Variants in ZNF865 observed in about 807,000 individuals in gnomAD.
The protein encoded by ZNF865 is zinc finger protein 865.
For synonymous variants in ZNF865, 763 were observed against 750.8 expected (o/e 1.02, Z -0.27); for missense variants, 1,311 against 1,593.4 (o/e 0.82, Z 3.02).
Position 55,615,980 on chromosome 19 carries a change from G to A in ZNF865, c.2362G>A (p.Gly788Ser), listed in dbSNP as rs929529222. 1.2e-5 allele frequency: 18 copies of A among 1,516,922 alleles called. No homozygotes were observed. Among genetic ancestry groups the A allele is most frequent in the East Asian group, 2.5e-5 (1 of 39,822 alleles). 94.0% of individuals were successfully genotyped at this position (1,516,922 alleles called of 1,614,324 possible). The change falls in exon 2 of 2, where the codon GGC (glycine) becomes AGC (serine). Residue 788 changes from glycine to serine, a missense_variant. By Grantham distance (56) the Gly-to-Ser change is moderately conservative. Transcript: ENST00000568956. ...AGGTGCTGGCGGGGGTGCCAGTTCC[G>A]GCCCCGAGCGCTTCAGCTGTGCCAC... ...VAGAGGGASS[G>S]PERFSCATCG... is the part of the protein sequence containing the mutation.
At position 55,614,905 on chromosome 19, in the gene ZNF865, C is replaced by A; in HGVS notation, c.1287C>A (p.His429Gln). Residue 429 changes from histidine (H) to glutamine (Q), a missense_variant, in exon 2 of 2, where the codon CAC (histidine) becomes CAA (glutamine). Physicochemically the swap from His to Gln is conservative, Grantham distance 24. Transcript: ENST00000568956. This position sits in a 1 kb window ranked among gnomAD's most constrained non-coding sequence, Gnocchi z 8.0. The part of the protein sequence containing the change: ...ASYLLKHQAA[H>Q]AGAGAGGPRP... Reference sequence around the variant, plus strand: ...ACCTCCTCAAGCACCAGGCGGCCCACGCGGGGGCGGGCGCCGGGGGGCCTC... The same window carrying A: ...ACCTCCTCAAGCACCAGGCGGCCCAAGCGGGGGCGGGCGCCGGGGGGCCTC... 1 of 1,488,490 alleles carries A rather than the reference C, an allele frequency of 6.7e-7. No homozygotes were observed. The highest frequency in any genetic ancestry group is 8.9e-7 in the Non-Finnish European group (1 of 1,124,474). 92.2% of individuals were successfully genotyped at this position (1,488,490 alleles called of 1,614,324 possible).
intron 1 of ZNF865, 139 bp from the exon 2 acceptor site, chr19:55,613,454 G>GCTTC: frequency 1.3e-6 from 1 of 771,750 alleles, no homozygotes; most frequent in African/African-American, 1.8e-5. Context: ...GGGTGGACAG[G>GCTTC]CAGAGGGACT....
In ZNF865 at chr19:55,616,751, G is replaced by A; in HGVS notation, c.3133G>A (p.Gly1045Arg). The A allele has an allele frequency of 6.8e-7, 1 of 1,476,172 alleles. No homozygotes were observed. Among genetic ancestry groups the A allele is most frequent in the Non-Finnish European group, 8.9e-7 (1 of 1,117,708 alleles). 91.4% of individuals were successfully genotyped at this position (1,476,172 alleles called of 1,614,324 possible). ...CCTGGCGCACAAGGCCGAGAACCTC[G>A]GGGGGCCTGGAGCAGGGGCGGGCAC... is the stretch of plus-strand genomic sequence containing the variant. ...HRLAHKAENL[G>R]GPGAGAGTLA... Residue 1045 changes from glycine to arginine, a missense_variant, in exon 2 of 2, where the codon GGG becomes AGG. By Grantham distance (125) the Gly-to-Arg change is moderately radical. Transcript: ENST00000568956.
intron 1 of ZNF865, among the ~76,000 whole-genome samples, chr19:55,610,306 G>A (rs575962228): frequency 1.3e-5 from 2 of 152,286 alleles, no homozygotes; most frequent in Non-Finnish European, 2.9e-5. Flanking sequence ...TGTTGCCCAG[G>A]CTGGAGTGCA....
chr19:55,616,967 C>T lies in ZNF865; in HGVS notation c.*169C>T, dbSNP rs981252546. On this transcript the variant is annotated 3_prime_UTR_variant, in exon 2 of 2. Transcript: ENST00000568956. ...GACAGGCTCAAGACTGAATCACTCC[C>T]ATCCTCGACCTCTCTGCCCTCCCCT... 11 of 607,352 alleles carry T rather than the reference C, an allele frequency of 1.8e-5. No individual in the cohort carries two copies. Among genetic ancestry groups the T allele is most frequent in the South Asian group, 3.1e-5 (1 of 32,278 alleles). 37.6% of individuals were successfully genotyped at this position (607,352 alleles called of 1,614,324 possible).
At position 55,613,513 on chromosome 19, in the gene ZNF865, G is replaced by A. The variant is rs1392988162; in HGVS notation, c.-26-80G>A. 11 of 1,269,184 alleles carry A rather than the reference G, an allele frequency of 8.7e-6. No individual in the cohort carries two copies. The East Asian group carries it at 1.8e-4, about 21-fold the overall frequency. 78.6% of individuals were successfully genotyped at this position (1,269,184 alleles called of 1,614,324 possible). ...GGGGGTGATCCGCACAAGGATGGATGAGTGGGCGCACAGCTCCATTCACCT... is the reference window on the plus strand; with the variant it reads ...GGGGGTGATCCGCACAAGGATGGATAAGTGGGCGCACAGCTCCATTCACCT... On this transcript the variant is annotated intron_variant, in intron 1 of 1. Transcript: ENST00000568956.
intron 1 of ZNF865, among the ~76,000 whole-genome samples, chr19:55,610,353 C>T (rs1384577114): frequency 1.3e-5 from 2 of 152,162 alleles, no homozygotes; most frequent in South Asian, 2.1e-4. Flanking sequence ...CTCCACCTCC[C>T]GAGTTCAAGC....
chr19:55,607,675 G>C (rs1487614167), intron 1 of ZNF865, among the ~76,000 whole-genome samples: 2 of 152,190 alleles, frequency 1.3e-5, no homozygotes, highest in African/African-American at 4.8e-5. Context: ...CCTATGTCTT[G>C]TCATCTTGTC....
Position 55,611,920 on chromosome 19 carries a change from T to C in ZNF865, c.-26-1673T>C, listed in dbSNP as rs1981150557. 6.6e-6 allele frequency among the ~76,000 whole-genome samples: 1 copy of C among 152,076 alleles called. No individual in the cohort carries two copies. Among genetic ancestry groups the C allele is most frequent in the South Asian group, 2.1e-4 (1 of 4,834 alleles). The stretch of plus-strand genomic sequence containing the variant: ...GTGTGGTGTGGGGTACACACATGGA[T>C]ACCTGCCATCTGGAATGAAAAGTCG... On this transcript the variant is annotated intron_variant, in intron 1 of 1. Coordinates refer to ENST00000568956, the MANE Select transcript of ZNF865 (RefSeq NM_001195605.2). This position sits in a 1 kb window ranked among gnomAD's most constrained non-coding sequence, Gnocchi z 4.5.
chr19:55,609,207 C>G lies in ZNF865; in HGVS notation c.-27+3475C>G, dbSNP rs983915983. Among the ~76,000 whole-genome samples the G allele has an allele frequency of 2.0e-5, 3 of 152,036 alleles. No individual in the cohort carries two copies. In the South Asian group the frequency reaches 6.2e-4, roughly 32 times the overall value. On this transcript the variant is annotated intron_variant, in intron 1 of 1. Coordinates refer to ENST00000568956, the MANE Select transcript of ZNF865 (RefSeq NM_001195605.2). The stretch of plus-strand genomic sequence containing the variant: ...CTAATTTTTTTATTTTTAGTAGAGA[C>G]GGGGTTTCACTATATATTGGCCAGG...
In ZNF865 at chr19:55,615,949, G is replaced by T; in HGVS notation, c.2331G>T (p.Ala777=). ...GGGGTGAGGACGCAGGCGGGGCGGC[G>T]GTGGCAGGTGCTGGCGGGGGTGCCA... ...VSGGEDAGGA[A]VAGAGGGASS... is the part of the protein sequence containing the mutation. Residue 777 remains alanine, a synonymous_variant, in exon 2 of 2, where the codon GCG becomes GCT. Coordinates refer to ENST00000568956, the MANE Select transcript of ZNF865 (RefSeq NM_001195605.2). 2.6e-6 allele frequency: 4 copies of T among 1,510,650 alleles called. No individual in the cohort carries two copies. Among genetic ancestry groups the T allele is most frequent in the Non-Finnish European group, 3.5e-6 (4 of 1,135,196 alleles). The allele number at this position is 1,510,650 out of a possible 1,614,324, so 93.6% of individuals were successfully genotyped here. A position where few individuals can be genotyped will look rare whatever the true frequency, so the allele number is the denominator to read the frequency against.
rs1350685986 is a variant in ZNF865 at position 55,616,325 on chromosome 19, G to A, written c.2707G>A (p.Ala903Thr). The change falls in exon 2 of 2, where the codon GCC becomes ACC. Residue 903 changes from alanine (A) to threonine (T), a missense_variant. Coordinates refer to ENST00000568956, the MANE Select transcript of ZNF865 (RefSeq NM_001195605.2). ...QHRVVHTGER[A>T]FKCGVCAKRF... Reference sequence around the variant, plus strand: ...CCGCGTGGTGCACACTGGCGAGCGGGCCTTCAAGTGCGGCGTGTGCGCCAA... The same window carrying A: ...CCGCGTGGTGCACACTGGCGAGCGGACCTTCAAGTGCGGCGTGTGCGCCAA... 2.0e-6 allele frequency: 3 copies of A among 1,521,944 alleles called. No individual in the cohort carries two copies. The highest frequency in any genetic ancestry group is 1.4e-5 in the African/African-American group (1 of 72,272). 94.3% of individuals were successfully genotyped at this position (1,521,944 alleles called of 1,614,324 possible). A position where few individuals can be genotyped will look rare whatever the true frequency, so the allele number is the denominator to read the frequency against.
intron 1 of ZNF865, among the ~76,000 whole-genome samples, 184 bp downstream of exon 1, chr19:55,605,916 A>G (rs1048460060): frequency 2.0e-5 from 3 of 151,302 alleles, no homozygotes; most frequent in East Asian, 2.0e-4. Flanking sequence ...TAGCTCCCCC[A>G]TGAACGCCCC....
At position 55,613,756 on chromosome 19, in the gene ZNF865, A is replaced by G. The variant is rs1478545090; in HGVS notation, c.138A>G (p.Glu46=). Residue 46 remains glutamate (E), a synonymous_variant, in exon 2 of 2, where the codon GAA becomes GAG. Coordinates refer to ENST00000568956, the MANE Select transcript of ZNF865 (RefSeq NM_001195605.2). ...FLNHQRFEPM[E]LYGEHAKAVA... ...ACCACCAGCGCTTCGAGCCCATGGA[A>G]CTGTATGGGGAACACGCCAAGGCGG... The G allele has an allele frequency of 6.5e-7, 1 of 1,534,386 alleles. No homozygotes were observed. The highest frequency in any genetic ancestry group is 1.4e-5 in the African/African-American group (1 of 72,932).
In ZNF865 at chr19:55,614,040, C is replaced by T. The variant is rs1345474174; in HGVS notation, c.422C>T (p.Ala141Val). ...GAPPPPLFDA[A>V]FPTPQWGIVD... ...CCCCCTCCTCCCCTCTTTGACGCTGCTTTCCCCACTCCGCAGTGGGGCATC... is the reference window on the plus strand; with the variant it reads ...CCCCCTCCTCCCCTCTTTGACGCTGTTTTCCCCACTCCGCAGTGGGGCATC... Residue 141 changes from alanine (A) to valine (V), a missense_variant, in exon 2 of 2, where the codon GCT becomes GTT. Physicochemically the swap from Ala to Val is moderately conservative, Grantham distance 64 (BLOSUM62 0). Transcript: ENST00000568956. This position sits in a 1 kb window ranked among gnomAD's most constrained non-coding sequence, Gnocchi z 8.0. 3 of 1,485,992 alleles carry T rather than the reference C, an allele frequency of 2.0e-6. No individual in the cohort carries two copies. The highest frequency in any genetic ancestry group is 2.5e-5 in the East Asian group (1 of 40,038). The allele number at this position is 1,485,992 out of a possible 1,614,324, so 92.1% of individuals were successfully genotyped here.
At chr19:55,609,864 A>G (rs1981069760) in intron 1 of ZNF865, among the ~76,000 whole-genome samples, 1 of 152,186 alleles carries the variant, frequency 6.6e-6, no homozygotes, top group Admixed American at 6.5e-5. Flanking sequence ...CCCTCTTAAA[A>G]AGATACCAGT....
Position 55,616,254 on chromosome 19 carries a change from G to A in ZNF865, c.2636G>A (p.Gly879Asp). ...ACGGAACAGCGGCCGTACCGATGTGGCGTGTGCGGCCGAGGCTTCCTGCGC... is the reference window on the plus strand; with the variant it reads ...ACGGAACAGCGGCCGTACCGATGTGACGTGTGCGGCCGAGGCTTCCTGCGC... ...CHTEQRPYRC[G>D]VCGRGFLRSW... Residue 879 changes from glycine to aspartate, a missense_variant, in exon 2 of 2, where the codon GGC (glycine) becomes GAC (aspartate). By Grantham distance (94) the Gly-to-Asp change is moderately conservative. Transcript: ENST00000568956. 6.6e-7 allele frequency: 1 copy of A among 1,523,486 alleles called. No individual in the cohort carries two copies. The highest frequency in any genetic ancestry group is 8.8e-7 in the Non-Finnish European group (1 of 1,139,806). The allele number at this position is 1,523,486 out of a possible 1,614,324, so 94.4% of individuals were successfully genotyped here.
In ZNF865 at chr19:55,614,157, C is replaced by T; in HGVS notation, c.539C>T (p.Pro180Leu). The T allele has an allele frequency of 4.1e-6, 6 of 1,446,962 alleles. No individual in the cohort carries two copies. Among genetic ancestry groups the T allele is most frequent in the South Asian group, 1.4e-5 (1 of 70,608 alleles). 89.6% of individuals were successfully genotyped at this position (1,446,962 alleles called of 1,614,324 possible). The change falls in exon 2 of 2, where the codon CCC (proline) becomes CTC (leucine). Residue 180 changes from proline to leucine, a missense_variant. Pro to Leu is a moderately conservative substitution (Grantham distance 98, BLOSUM62 -3). Transcript: ENST00000568956. This position sits in a 1 kb window ranked among gnomAD's most constrained non-coding sequence, Gnocchi z 8.0. Reference protein sequence around the residue: ...GPGVTPGLGAPAGAPGPLPAP... With the variant: ...GPGVTPGLGALAGAPGPLPAP... Reference sequence around the variant, plus strand: ...GGGGTGACGCCTGGGCTGGGCGCTCCCGCGGGGGCCCCAGGGCCGCTTCCT... The same window carrying T: ...GGGGTGACGCCTGGGCTGGGCGCTCTCGCGGGGGCCCCAGGGCCGCTTCCT...
In ZNF865 at chr19:55,613,930, TTCGTCCTCC is replaced by T; in HGVS notation, c.318_326del (p.Ser115_Ser117del). On this transcript the variant is annotated inframe_deletion, in exon 2 of 2. Transcript: ENST00000568956. Reference sequence around the variant, plus strand: ...CGTCCTCGTCCTCCTCCTCCTCCTCTTCGTCCTCCTCGTCGTCATCTTCGTCCTCTTCCT... The same window carrying T: ...CGTCCTCGTCCTCCTCCTCCTCCTCTTCGTCGTCATCTTCGTCCTCTTCCT... 6.5e-7 allele frequency: 1 copy of T among 1,528,376 alleles called. No individual in the cohort carries two copies. The highest frequency in any genetic ancestry group is 8.8e-7 in the Non-Finnish European group (1 of 1,141,400). The allele number at this position is 1,528,376 out of a possible 1,614,324, so 94.7% of individuals were successfully genotyped here. A position where few individuals can be genotyped will look rare whatever the true frequency, so the allele number is the denominator to read the frequency against.
Sources: gnomAD v4.1 joint callset for allele counts (sites outside exome capture counted in the v4.1 genomes callset) on GRCh38, gnomAD v4.1.1 for gene constraint, Gnocchi (gnomAD v3.1) non-coding constraint, MANE v1.5 for transcripts, NCBI Gene and HGNC (gene_info 2026-07-23, HGNC 2026-07-21) for gene names.